Variants in DDX21 observed in about 807,000 individuals in gnomAD.
DDX21 encodes the protein nucleolar RNA helicase 2.
A neutral mutation model predicts 90.0 loss-of-function variants in DDX21; 18 were observed. The ratio of observed to expected loss-of-function variants is 0.20; its 90% CI spans 0.14 to 0.30. DDX21 has a LOEUF of 0.30. DDX21 is among the 10% of genes least tolerant of loss of function. The pLI, the probability that DDX21 is intolerant of heterozygous loss-of-function variation, is 1.00. For missense variants in DDX21, 673 were observed against 944.5 expected (o/e 0.71, Z 3.77); for synonymous variants, 294 against 318.0 (o/e 0.92, Z 0.80).
rs1200117768 is a variant in DDX21 at position 68,978,964 on chromosome 10, C to G, written c.2025C>G (p.Leu675=). 8.7e-6 allele frequency: 14 copies of G among 1,613,970 alleles called. No homozygotes were observed. The African/African-American group carries it at 1.6e-4, about 18-fold the overall frequency. ...CCAAAGTGAAGGGAATGGTTTTTCT[C>G]AAAGGAAAGCTGGTAAGGCTGGGGT... ...IDSKVKGMVF[L]KGKLGVCFDV... The change falls in exon 13 of 15, where the codon CTC becomes CTG. Residue 675 remains leucine (L), a synonymous_variant. Transcript: ENST00000354185.
At chr10:68,956,620 T>C in intron 1 of DDX21, 1 of 1,210,010 alleles carries the variant, frequency 8.3e-7, no homozygotes, top group Non-Finnish European at 1.0e-6. Flanking sequence ...GTGTCCCACG[T>C]GGTCCCCGGC....
chr10:68,960,159 C>T lies in DDX21; in HGVS notation c.441C>T (p.Ser147=). The T allele has an allele frequency of 6.2e-7, 1 of 1,614,130 alleles. No individual in the cohort carries two copies. Among genetic ancestry groups the T allele is most frequent in the Non-Finnish European group, 8.5e-7 (1 of 1,180,002 alleles). ...KEMNGETREK[S]PKLKNGFPHP... ...TGAATGGAGAAACTAGAGAGAAAAGCCCCAAACTGAAGAATGGATTTCCTC... is the reference window on the plus strand; with the variant it reads ...TGAATGGAGAAACTAGAGAGAAAAGTCCCAAACTGAAGAATGGATTTCCTC... The change falls in exon 2 of 15, where the codon AGC becomes AGT. Residue 147 remains serine (S), a synonymous_variant. Transcript: ENST00000354185.
rs371451925 is a variant in DDX21 at position 68,956,198 on chromosome 10, C to T, written c.-28C>T. On this transcript the variant is annotated 5_prime_UTR_variant, in exon 1 of 15. Transcript: ENST00000354185. Reference sequence around the variant, plus strand: ...TTCCTCTCCACGCGGTTGAGAAGACCGGTCGGCCTGGGCAACCTGCGCTGA... The same window carrying T: ...TTCCTCTCCACGCGGTTGAGAAGACTGGTCGGCCTGGGCAACCTGCGCTGA... The T allele has an allele frequency of 5.6e-6, 9 of 1,611,556 alleles. No individual in the cohort carries two copies. Among genetic ancestry groups the T allele is most frequent in the African/African-American group, 2.7e-5 (2 of 74,982 alleles).
intron 10 of DDX21, among the ~76,000 whole-genome samples, chr10:68,974,015 G>T (rs1843061027): frequency 1.3e-5 from 2 of 152,202 alleles, no homozygotes; most frequent in Non-Finnish European, 2.9e-5. Flanking sequence ...TCCTCCAGGA[G>T]AATTGGAATA....
At chr10:68,964,926 C>T (rs7915590) in intron 4 of DDX21, among the ~76,000 whole-genome samples, 4,986 of 152,176 alleles carry the variant, frequency 0.033, 269 homozygotes, top group African/African-American at 0.11. Flanking sequence ...TAGGCATGAG[C>T]CATTGCGCCT....
intron 11 of DDX21, among the ~76,000 whole-genome samples, chr10:68,976,289 G>A (rs567531087): frequency 6.8e-6 from 1 of 146,540 alleles, no homozygotes; most frequent in Non-Finnish European, 1.5e-5. Flanking sequence ...AAGGATGAGT[G>A]TATTTTTTTT....
chr10:68,959,348 G>T (rs572149266), intron 1 of DDX21, among the ~76,000 whole-genome samples: 1 of 152,076 alleles, frequency 6.6e-6, no homozygotes, highest in African/African-American at 2.4e-5. Context: ...ACAAAAATTC[G>T]CTGGGTGTGG....
intron 14 of DDX21, 117 bp downstream of exon 14, chr10:68,981,698 T>C (rs1012627520): frequency 1.1e-6 from 1 of 949,698 alleles, no homozygotes; most frequent in Non-Finnish European, 1.6e-6. Flanking sequence ...TAAGAGATAA[T>C]CGATAATTAA....
chr10:68,971,818 G>A, intron 8 of DDX21, 73 bp from the exon 9 acceptor site: 1 of 1,477,560 alleles, frequency 6.8e-7, no homozygotes, highest in Non-Finnish European at 9.3e-7. Flanking sequence ...TCTTTTACAG[G>A]CCTAACTGAT....
Position 68,977,518 on chromosome 10 carries a change from T to C in DDX21, c.1743-11T>C. ...TAGTATCCTTTCTCCTAACACACTC[T>C]CAAACAACAGGCTTTTGGATTCCGT... On this transcript the variant is annotated splice_polypyrimidine_tract_variant and intron_variant, in intron 11 of 14. Transcript: ENST00000354185. 1 of 1,600,416 alleles carries C rather than the reference T, an allele frequency of 6.2e-7. No homozygotes were observed. Among genetic ancestry groups the C allele is most frequent in the Non-Finnish European group, 8.5e-7 (1 of 1,171,092 alleles).
At chr10:68,976,166 G>A (rs961554376) in intron 11 of DDX21, among the ~76,000 whole-genome samples, 5 of 151,924 alleles carry the variant, frequency 3.3e-5, no homozygotes, top group Non-Finnish European at 4.4e-5. Context: ...GGTTGAGGCT[G>A]CAGTGAGCTG....
chr10:68,965,696 T>C (rs1320067760), intron 5 of DDX21, among the ~76,000 whole-genome samples: 1 of 152,242 alleles, frequency 6.6e-6, no homozygotes, highest in Non-Finnish European at 1.5e-5. Flanking sequence ...TTAGGACTTT[T>C]ATCTATTTAT....
At chr10:68,956,566 G>A in intron 1 of DDX21, 1 of 1,332,002 alleles carries the variant, frequency 7.5e-7, no homozygotes, top group Admixed American at 3.2e-5. Context: ...CCACAGGTCG[G>A]AACTCTGGTA....
At position 68,969,082 on chromosome 10, in the gene DDX21, G is replaced by T. The variant is rs760538239; in HGVS notation, c.1197G>T (p.Leu399=). The change falls in exon 7 of 15, where the codon CTG becomes CTT. Residue 399 remains leucine (L), a synonymous_variant. Coordinates refer to ENST00000354185, the MANE Select transcript of DDX21 (RefSeq NM_004728.4). ...YMKSTYEQVD[L]IGKKTQKTAI... is the part of the protein sequence containing the mutation. ...AATCTACATATGAACAGGTGGACCT[G>T]ATTGGTAAAAAGACTCAGAAAACGG... is the stretch of plus-strand genomic sequence containing the variant. 3 of 1,613,244 alleles carry T rather than the reference G, an allele frequency of 1.9e-6. No homozygotes were observed. Among genetic ancestry groups the T allele is most frequent in the Non-Finnish European group, 2.5e-6 (3 of 1,179,876 alleles).
At chr10:68,973,033 A>G (rs1843048843) in intron 9 of DDX21, among the ~76,000 whole-genome samples, 1 of 152,048 alleles carries the variant, frequency 6.6e-6, no homozygotes, top group Non-Finnish European at 1.5e-5. Context: ...TGTCTATACT[A>G]AAAATACAAA....
At chr10:68,977,885 A>G (rs1843126385) in intron 12 of DDX21, among the ~76,000 whole-genome samples, 197 bp downstream of exon 12, 1 of 152,036 alleles carries the variant, frequency 6.6e-6, no homozygotes, top group Non-Finnish European at 1.5e-5. Context: ...AGGCAGGAGG[A>G]TGGCTTGAGC....
chr10:68,977,556 C>G lies in DDX21; in HGVS notation c.1770C>G (p.Ala590=). 6.2e-7 allele frequency: 1 copy of G among 1,612,218 alleles called. No homozygotes were observed. Among genetic ancestry groups the G allele is most frequent in the Non-Finnish European group, 8.5e-7 (1 of 1,178,674 alleles). The change falls in exon 12 of 15, where the codon GCC becomes GCG. Residue 590 remains alanine (A), a synonymous_variant. Coordinates refer to ENST00000354185, the MANE Select transcript of DDX21 (RefSeq NM_004728.4). The part of the protein sequence containing the change: ...IRLLDSVPPT[A]ISHFKQSAEK... ...TTTTGGATTCCGTGCCTCCCACTGC[C>G]ATTAGTCACTTCAAACAATCAGCTG...
In DDX21 at chr10:68,983,698, T is replaced by TAAAAAA. The variant is rs3086423; in HGVS notation, c.*902_*907dup. On this transcript the variant is annotated 3_prime_UTR_variant, in exon 15 of 15. Coordinates refer to ENST00000354185, the MANE Select transcript of DDX21 (RefSeq NM_004728.4). ...CAGATTAGCATTGCTCAAGAGTATGTAAAAAAAAAAAAAAAAAAAAAGAAC... is the reference window on the plus strand; with the variant it reads ...CAGATTAGCATTGCTCAAGAGTATGTAAAAAAAAAAAAAAAAAAAAAAAAAAAGAAC... The TAAAAAA allele has an allele frequency of 2.7e-5, 3 of 111,268 alleles. No homozygotes were observed. The highest frequency in any genetic ancestry group is 2.5e-4 in the East Asian group (1 of 3,944). 6.9% of individuals were successfully genotyped at this position (111,268 alleles called of 1,614,324 possible).
chr10:68,970,461 T>G, intron 8 of DDX21, 111 bp downstream of exon 8: 1 of 1,131,348 alleles, frequency 8.8e-7, no homozygotes, highest in South Asian at 1.8e-5. Flanking sequence ...CAGTTTAGTT[T>G]AGTTTAGAAA....
Sources: allele counts gnomAD v4.1 joint callset (sites outside exome capture counted in the v4.1 genomes callset), GRCh38; gene constraint gnomAD v4.1.1; transcripts MANE v1.5; gene names NCBI Gene and HGNC (gene_info 2026-07-23, HGNC 2026-07-21).